The following IGF2BP2 variants were observed in gnomAD, a reference collection of about 807,000 sequenced individuals.
IGF2BP2 encodes insulin like growth factor 2 mRNA binding protein 2.
Under a neutral mutation model 75.8 loss-of-function variants are expected in IGF2BP2, and 17 were observed. The observed-to-expected ratio is 0.22, with a 90% CI of 0.15 to 0.34. IGF2BP2 has a LOEUF of 0.34. IGF2BP2 is among the 10% of genes least tolerant of loss of function. IGF2BP2 has a pLI of 1.00. For missense variants in IGF2BP2, 516 were observed against 772.4 expected, an observed-to-expected ratio of 0.67 and a Z score of 3.93; for synonymous variants, 288 against 295.6, an observed-to-expected ratio of 0.97 and a Z score of 0.26.
At position 185,701,002 on chromosome 3, in the gene IGF2BP2, T is replaced by C. The variant is rs1029597341; in HGVS notation, c.240-2655A>G. On this transcript the variant is annotated intron_variant, in intron 2 of 15. Coordinates refer to ENST00000382199, the MANE Select transcript of IGF2BP2 (RefSeq NM_006548.6). Reference sequence around the variant, plus strand: ...CAAAACCAAACTACCTGTTATTCAATGTGTATGTGTGTAAATGCACAGAAA... The same window carrying C: ...CAAAACCAAACTACCTGTTATTCAACGTGTATGTGTGTAAATGCACAGAAA... 3.3e-5 allele frequency among the ~76,000 whole-genome samples: 5 copies of C among 152,338 alleles called. No individual in the cohort carries two copies. The South Asian group carries it at 6.2e-4, about 19-fold the overall frequency.
At chr3:185,659,347 T>C (rs754954843) in intron 10 of IGF2BP2, among the ~76,000 whole-genome samples, 4 of 152,074 alleles carry the variant, frequency 2.6e-5, no homozygotes, top group South Asian at 2.1e-4. Context: ...ATTAAGAAAA[T>C]AGAAATTTAG....
chr3:185,716,596 A>G, intron 2 of IGF2BP2: 1 of 519,872 alleles, frequency 1.9e-6, no homozygotes, highest in Non-Finnish European at 3.8e-6. Context: ...TAAGGAATTT[A>G]CCTCCTACTT....
Position 185,713,902 on chromosome 3 carries a change from T to C in IGF2BP2, c.240-15555A>G, listed in dbSNP as rs1428412729. Reference sequence around the variant, plus strand: ...TTTTAGTAGAGATGGGGTTTCACCATGTTGGCCAGGCTGGTCTTGAACTCC... The same window carrying C: ...TTTTAGTAGAGATGGGGTTTCACCACGTTGGCCAGGCTGGTCTTGAACTCC... On this transcript the variant is annotated intron_variant, in intron 2 of 15. Transcript: ENST00000382199. Among the ~76,000 whole-genome samples, 3 of 152,222 alleles carry C rather than the reference T, an allele frequency of 2.0e-5. No homozygotes were observed. The East Asian group carries it at 5.8e-4, about 29-fold the overall frequency.
intron 2 of IGF2BP2, among the ~76,000 whole-genome samples, chr3:185,734,274 T>A (rs1469391644): frequency 6.6e-6 from 1 of 152,042 alleles, no homozygotes; most frequent in Non-Finnish European, 1.5e-5. Context: ...TGAGGGCGGG[T>A]TGGGCAACTT....
intron 5 of IGF2BP2, among the ~76,000 whole-genome samples, chr3:185,692,097 C>T (rs1722024976): frequency 6.6e-6 from 1 of 151,966 alleles, no homozygotes; most frequent in South Asian, 2.1e-4. Context: ...ATTAACCATC[C>T]CTGAAGTAAT....
At chr3:185,743,242 T>C in intron 2 of IGF2BP2, among the ~76,000 whole-genome samples, 1 of 151,998 alleles carries the variant, frequency 6.6e-6, no homozygotes, top group South Asian at 2.1e-4. Context: ...AGAGAGACGA[T>C]GGAAGAAAGG....
chr3:185,708,551 C>T (rs560692604), intron 2 of IGF2BP2, among the ~76,000 whole-genome samples: 1 of 151,990 alleles, frequency 6.6e-6, no homozygotes, highest in African/African-American at 2.4e-5. Context: ...CATGAATTAG[C>T]CGACTTCTGG....
In IGF2BP2 at chr3:185,794,656, T is replaced by TA. The variant is rs78028373; in HGVS notation, c.239+28496dup. 4.3e-3 allele frequency among the ~76,000 whole-genome samples: 629 copies of TA among 147,430 alleles called. 1 individual carries two copies. Among genetic ancestry groups the TA allele is most frequent in the African/African-American group, 0.013 (522 of 40,082 alleles). ...GTCACATCTTTTTTTTTCATTGTGA[T>TA]AAAAAAAAAACCCATAAAATTTACT... On this transcript the variant is annotated intron_variant, in intron 2 of 15. Transcript: ENST00000382199.
intron 2 of IGF2BP2, among the ~76,000 whole-genome samples, chr3:185,762,813 C>A (rs980780893): frequency 6.6e-6 from 1 of 152,132 alleles, no homozygotes; most frequent in African/African-American, 2.4e-5. Context: ...TGAATTTTAT[C>A]CAAGTGCTTT....
At chr3:185,721,256 C>A (rs1726490569) in intron 2 of IGF2BP2, among the ~76,000 whole-genome samples, 1 of 152,088 alleles carries the variant, frequency 6.6e-6, no homozygotes, top group Non-Finnish European at 1.5e-5. Context: ...GTCACCCAGG[C>A]TGGAGTGCAG....
chr3:185,679,571 G>A (rs1245390231), intron 7 of IGF2BP2, among the ~76,000 whole-genome samples: 1 of 151,840 alleles, frequency 6.6e-6, no homozygotes, highest in Non-Finnish European at 1.5e-5. Flanking sequence ...GCTTTGTGTT[G>A]CTGTCTATCA....
intron 2 of IGF2BP2, chr3:185,728,551 C>T (rs1314459772): frequency 2.0e-5 from 3 of 152,208 alleles, no homozygotes; most frequent in Non-Finnish European, 4.4e-5. Flanking sequence ...TTTCCCCAGC[C>T]CATCAACCAG....
At chr3:185,650,222 A>G (rs1165666344) in intron 13 of IGF2BP2, among the ~76,000 whole-genome samples, 3 of 151,658 alleles carry the variant, frequency 2.0e-5, no homozygotes, top group African/African-American at 7.3e-5. Context: ...ATTCAACATA[A>G]TCTTTCTTTT....
At chr3:185,693,355 T>A (rs1319398708) in intron 4 of IGF2BP2, 2 of 152,262 alleles carry the variant, frequency 1.3e-5, no homozygotes, top group Admixed American at 6.5e-5. Context: ...GTTTTAATTA[T>A]AATTTGCATT....
At chr3:185,760,711 G>A (rs1018546197) in intron 2 of IGF2BP2, among the ~76,000 whole-genome samples, 2 of 152,154 alleles carry the variant, frequency 1.3e-5, no homozygotes, top group African/African-American at 4.8e-5. Context: ...TGGGAGATAC[G>A]AGGAATATCT....
intron 2 of IGF2BP2, among the ~76,000 whole-genome samples, chr3:185,719,494 A>T (rs1422475640): frequency 6.6e-6 from 1 of 152,196 alleles, no homozygotes; most frequent in Non-Finnish European, 1.5e-5. Flanking sequence ...GAAAAAAGGC[A>T]GGGATGAGCT....
intron 5 of IGF2BP2, 113 bp from the exon 6 acceptor site, chr3:185,689,740 G>A (rs1240658502): frequency 1.4e-5 from 17 of 1,189,980 alleles, no homozygotes; most frequent in East Asian, 9.4e-5. Flanking sequence ...AGGCCGAGGC[G>A]GGTGGATCAC....
intron 2 of IGF2BP2, among the ~76,000 whole-genome samples, chr3:185,802,911 C>A (rs1037248525): frequency 1.3e-5 from 2 of 152,180 alleles, no homozygotes; most frequent in African/African-American, 4.8e-5. Context: ...GTAAGCCACC[C>A]GCCCGGCCAG....
chr3:185,806,458 A>G (rs1454360928), intron 2 of IGF2BP2, among the ~76,000 whole-genome samples: 1 of 152,220 alleles, frequency 6.6e-6, no homozygotes, highest in Non-Finnish European at 1.5e-5. Context: ...CACATTCGAA[A>G]GGAAACAACC....
Sources: gnomAD v4.1 joint callset for allele counts (sites outside exome capture counted in the v4.1 genomes callset) on GRCh38, gnomAD v4.1.1 for gene constraint, MANE v1.5 for transcripts, NCBI Gene and HGNC (gene_info 2026-07-23, HGNC 2026-07-21) for gene names.